The following GLCE variants were observed in gnomAD, a reference collection of about 807,000 sequenced individuals.
GLCE encodes glucuronic acid epimerase.
GLCE carries 19 observed loss-of-function variants against 47.9 expected under a neutral mutation model. The ratio of observed to expected loss-of-function variants is 0.40; its 90% CI spans 0.28 to 0.58. The LOEUF (loss-of-function observed/expected upper bound fraction) is 0.58, where lower values mean the gene tolerates loss of function less well. GLCE is among the 20% of genes least tolerant of loss of function. GLCE has a pLI of 0.48. For synonymous variants in GLCE, 245 were observed against 263.4 expected (o/e 0.93, Z 0.68); for missense variants, 556 against 743.3 (o/e 0.75, Z 2.93).
In GLCE at chr15:69,179,286, G is replaced by T. The variant is rs117795941; in HGVS notation, c.-105+18529G>T. On this transcript the variant is annotated intron_variant, in intron 1 of 4. Transcript: ENST00000261858. ...TTGTCAAGAGAATATTACATTAAAA[G>T]AATTTGTAGTATGTAATTATAGATT... Among the ~76,000 whole-genome samples the T allele has an allele frequency of 6.4e-4, 97 of 152,252 alleles. No homozygotes were observed. The East Asian group carries it at 0.013, about 21-fold the overall frequency.
intron 1 of GLCE, among the ~76,000 whole-genome samples, chr15:69,161,459 C>A (rs1220229513): frequency 1.3e-5 from 2 of 151,542 alleles, no homozygotes; most frequent in African/African-American, 2.4e-5. Context: ...TTGCCCGGAG[C>A]GGGGCGGTAA....
intron 1 of GLCE, among the ~76,000 whole-genome samples, chr15:69,189,182 A>G (rs948020409): frequency 1.3e-5 from 2 of 152,120 alleles, no homozygotes; most frequent in South Asian, 2.1e-4. Context: ...TCTGTGCTCC[A>G]CCTGTTCATC....
intron 1 of GLCE, among the ~76,000 whole-genome samples, chr15:69,206,766 G>T (rs946463987): frequency 7.2e-5 from 11 of 151,868 alleles, no homozygotes; most frequent in African/African-American, 9.7e-5. Flanking sequence ...CTGGTTTCTT[G>T]TGTTGGAGAA....
intron 2 of GLCE, among the ~76,000 whole-genome samples, chr15:69,224,665 G>A (rs2052421543): frequency 6.6e-6 from 1 of 152,224 alleles, no homozygotes; most frequent in Non-Finnish European, 1.5e-5. Context: ...GCTCCTGCAA[G>A]CTGAGTACAA....
At chr15:69,234,169 G>A (rs2052562462) in intron 2 of GLCE, among the ~76,000 whole-genome samples, 1 of 152,060 alleles carries the variant, frequency 6.6e-6, no homozygotes, top group African/African-American at 2.4e-5. Context: ...GTAGAGAGGA[G>A]GTTTCACCAT....
rs201651580 is a variant in GLCE, at chr15:69,237,519, AC to A, written c.-13-18272del. ...AGGCTGAGGCAGGAGAATCGCTTGA[AC>A]CCAGGAGGCAGAGGTTGCAGTGAGC... On this transcript the variant is annotated intron_variant, in intron 2 of 4. Transcript: ENST00000261858. 8.5e-3 allele frequency among the ~76,000 whole-genome samples: 1,292 copies of A among 151,938 alleles called. 23 individuals carry two copies. The highest frequency in any genetic ancestry group is 0.03 in the African/African-American group (1,243 of 41,438).
intron 3 of GLCE, among the ~76,000 whole-genome samples, chr15:69,259,991 A>G (rs2052988537): frequency 6.6e-6 from 1 of 152,200 alleles, no homozygotes; most frequent in Non-Finnish European, 1.5e-5. Flanking sequence ...TGATTCAACC[A>G]TACAACATTA....
chr15:69,242,539 G>C (rs1011396024), intron 2 of GLCE, among the ~76,000 whole-genome samples: 4 of 151,960 alleles, frequency 2.6e-5, no homozygotes, highest in Non-Finnish European at 4.4e-5. Flanking sequence ...AATTTAGTCT[G>C]TTCATTAGCT....
At chr15:69,222,335 T>A (rs967837925) in intron 2 of GLCE, among the ~76,000 whole-genome samples, 10 of 151,870 alleles carry the variant, frequency 6.6e-5, no homozygotes, top group Non-Finnish European at 1.5e-4. Flanking sequence ...GAGGCAGGGG[T>A]GGTGGAGGCA....
At chr15:69,168,685 A>G (rs2051540818) in intron 1 of GLCE, among the ~76,000 whole-genome samples, 1 of 151,922 alleles carries the variant, frequency 6.6e-6, no homozygotes. Flanking sequence ...TGCATGTGCC[A>G]CCACTCCCGG....
intron 1 of GLCE, among the ~76,000 whole-genome samples, chr15:69,165,926 G>C (rs2051495300): frequency 6.6e-6 from 1 of 152,166 alleles, no homozygotes; most frequent in African/African-American, 2.4e-5. Flanking sequence ...ATATGAGAAT[G>C]GTAGTTCTTA....
rs776430099 is a variant in GLCE at position 69,268,480 on chromosome 15, C to T, written c.1090C>T (p.Leu364Phe). 11 of 1,614,070 alleles carry T rather than the reference C, an allele frequency of 6.8e-6. No individual in the cohort carries two copies. The highest frequency in any genetic ancestry group is 1.3e-5 in the African/African-American group (1 of 74,944). ...CACTGACCTCAGGAAAGGAGTGGGT[C>T]TTTCAAACACAAAAGCTGTCAAGCC... Reference protein sequence around the residue: ...LVTDLRKGVGLSNTKAVKPTK... With the variant: ...LVTDLRKGVGFSNTKAVKPTK... The change falls in exon 5 of 5, where the codon CTT (leucine) becomes TTT (phenylalanine). Residue 364 changes from leucine to phenylalanine, a missense_variant. Around this residue, in one of 3 missense-constraint regions of GLCE, gnomAD observed 245 missense variants for 368.1 expected, o/e 0.67. Transcript: ENST00000261858.
chr15:69,245,332 CAAAA>C (rs34544477), intron 2 of GLCE, among the ~76,000 whole-genome samples: 1 of 79,188 alleles, frequency 1.3e-5, no homozygotes. Flanking sequence ...GACTCTGTCT[CAAAA>C]AAAAAAAAAA....
chr15:69,254,969 A>T (rs1236631649), intron 2 of GLCE, among the ~76,000 whole-genome samples: 1 of 152,192 alleles, frequency 6.6e-6, no homozygotes, highest in Non-Finnish European at 1.5e-5. Context: ...AGGAAGACTC[A>T]AAGAAGAGAA....
intron 1 of GLCE, among the ~76,000 whole-genome samples, chr15:69,185,704 A>C (rs2051812974): frequency 6.6e-6 from 1 of 151,832 alleles, no homozygotes; most frequent in Non-Finnish European, 1.5e-5. Context: ...TTCTGTGACC[A>C]AAGGTATGGG....
At chr15:69,263,795 T>TA (rs2053046626) in intron 4 of GLCE, among the ~76,000 whole-genome samples, 11 of 152,212 alleles carry the variant, frequency 7.2e-5, no homozygotes, top group Admixed American at 7.2e-4. Flanking sequence ...TCATGCTGCA[T>TA]AGTAAATCTG....
chr15:69,242,563 T>C (rs922783095), intron 2 of GLCE, among the ~76,000 whole-genome samples: 13 of 152,182 alleles, frequency 8.5e-5, no homozygotes, highest in African/African-American at 2.9e-4. Flanking sequence ...TGTCATTAAC[T>C]GCTGTAGGAA....
chr15:69,191,321 T>C (rs964685698), intron 1 of GLCE, among the ~76,000 whole-genome samples: 2 of 152,114 alleles, frequency 1.3e-5, no homozygotes, highest in African/African-American at 4.8e-5. Context: ...GGGTACCAAA[T>C]TGTAGTGTAT....
intron 1 of GLCE, among the ~76,000 whole-genome samples, chr15:69,174,890 A>G (rs184256922): frequency 6.6e-6 from 1 of 152,152 alleles, no homozygotes; most frequent in East Asian, 1.9e-4. Flanking sequence ...TCCAACACTG[A>G]TATTTTTCTT....
Sources: gnomAD v4.1 joint callset for allele counts (sites outside exome capture counted in the v4.1 genomes callset) on GRCh38, gnomAD v4.1.1 for gene constraint, gnomAD v4.1.1 regional missense constraint, MANE v1.5 for transcripts, NCBI Gene and HGNC (gene_info 2026-07-23, HGNC 2026-07-21) for gene names.